The following USP42 variants were observed in gnomAD, a reference collection of about 807,000 sequenced individuals.
The protein encoded by USP42 is ubiquitin carboxyl-terminal hydrolase 42.
Under a neutral mutation model 113.0 loss-of-function variants are expected in USP42, and 23 were observed. That is an observed-to-expected ratio of 0.20 (90% confidence interval 0.15 to 0.29). USP42 has a LOEUF of 0.29. Ranked by LOEUF, USP42 falls within the 10% of genes least tolerant of loss-of-function variation. USP42 has a pLI of 1.00. For missense variants in USP42, 2,174 were observed against 1,779.8 expected (o/e 1.22, Z -3.99); for synonymous variants, 933 against 699.0 (o/e 1.33, Z -5.28).
chr7:6,104,509 C>T (rs1474953607), upstream of USP42, among the ~76,000 whole-genome samples: 1 of 152,254 alleles, frequency 6.6e-6, no homozygotes. Flanking sequence ...TTTCGGGGGA[C>T]GGGGATCCCA....
At chr7:6,109,753 A>G (rs1779494882) in intron 1 of USP42, among the ~76,000 whole-genome samples, 1 of 141,062 alleles carries the variant, frequency 7.1e-6, no homozygotes, top group Admixed American at 7.4e-5. Context: ...AAGGCTGGAT[A>G]TCAGTGGCAC....
intron 3 of USP42, chr7:6,116,526 C>G: frequency 3.3e-6 from 1 of 299,912 alleles, no homozygotes; most frequent in Non-Finnish European, 6.3e-6. Context: ...TGTGTATGTT[C>G]TGGGGCTATT....
At position 6,157,148 on chromosome 7, in the gene USP42, G is replaced by C; in HGVS notation, c.3943+93G>C. On this transcript the variant is annotated intron_variant, in intron 16 of 17. Coordinates refer to ENST00000306177, the MANE Select transcript of USP42 (RefSeq NM_032172.3). This position sits in a 1 kb window ranked among gnomAD's most constrained non-coding sequence, Gnocchi z 4.1. ...ATTAACATGTAGAAAGAAAACCTCA[G>C]GTGGCATCAAAGGGCACAGTTACTC... 8 of 1,446,776 alleles carry C rather than the reference G, an allele frequency of 5.5e-6. No individual in the cohort carries two copies. The highest frequency in any genetic ancestry group is 7.2e-6 in the Non-Finnish European group (8 of 1,106,034). 89.6% of individuals were successfully genotyped at this position (1,446,776 alleles called of 1,614,324 possible).
At chr7:6,103,948 G>C (rs1304312629), upstream of USP42, among the ~76,000 whole-genome samples, 1 of 151,128 alleles carries the variant, frequency 6.6e-6, no homozygotes, top group African/African-American at 2.5e-5. Flanking sequence ...AGTGGGCGTG[G>C]TAGCGCGCGT....
chr7:6,110,719 G>A lies in USP42; in HGVS notation c.-9-406G>A, dbSNP rs562546356. 3.3e-5 allele frequency among the ~76,000 whole-genome samples: 5 copies of A among 152,270 alleles called. No homozygotes were observed. The South Asian group carries it at 1.0e-3, about 32-fold the overall frequency. ...TCTGAGGAATTATACTCAAATTGAAGATGTAGTCAAATGTATTACTGTGTA... is the reference window on the plus strand; with the variant it reads ...TCTGAGGAATTATACTCAAATTGAAAATGTAGTCAAATGTATTACTGTGTA... On this transcript the variant is annotated intron_variant, in intron 1 of 17. Transcript: ENST00000306177.
intron 3 of USP42, among the ~76,000 whole-genome samples, chr7:6,118,059 C>T (rs1340210914): frequency 1.3e-5 from 2 of 151,930 alleles, no homozygotes; most frequent in Non-Finnish European, 2.9e-5. Context: ...TGGGAAATTT[C>T]ATTTCTTTTT....
Position 6,155,002 on chromosome 7 carries a change from C to G in USP42, c.3448C>G (p.Arg1150Gly), listed in dbSNP as rs1443201919. Residue 1150 changes from arginine to glycine, a missense_variant, in exon 15 of 18, where the codon CGG becomes GGG. Transcript: ENST00000306177. ...VAGDNCNLSD[R>G]FHEHENGKSR... ...CGGAGACAACTGTAACCTCTCTGAT[C>G]GGTTTCACGAACACGAAAATGGAAA... The G allele has an allele frequency of 3.4e-5, 53 of 1,564,616 alleles. No homozygotes were observed. The highest frequency in any genetic ancestry group is 4.3e-5 in the Non-Finnish European group (50 of 1,154,334).
At chr7:6,116,129 T>G (rs949992475) in intron 3 of USP42, among the ~76,000 whole-genome samples, 54 of 147,826 alleles carry the variant, frequency 3.7e-4, no homozygotes, top group African/African-American at 1.2e-3. Flanking sequence ...AAACGTCTGA[T>G]GCCAGCAACT....
At chr7:6,111,092 A>G (rs991710561) in intron 1 of USP42, 33 bp from the exon 2 acceptor site, 8 of 1,584,800 alleles carry the variant, frequency 5.0e-6, no homozygotes, top group Non-Finnish European at 5.2e-6. Flanking sequence ...TTCTCACCTG[A>G]TGAAACAAAT....
At chr7:6,147,617 TAA>T (rs1781788642) in intron 11 of USP42, 120 bp from the exon 12 acceptor site, 1 of 1,161,944 alleles carries the variant, frequency 8.6e-7, no homozygotes, top group African/African-American at 1.6e-5. Context: ...CTGTGTAGCA[TAA>T]ACATGCTATT....
the USP42 span, among the ~76,000 whole-genome samples, chr7:6,092,017 C>G: frequency 9.6e-6 from 1 of 104,636 alleles, no homozygotes; most frequent in Non-Finnish European, 2.0e-5. Flanking sequence ...TCTTCTTCTT[C>G]TTCTTCTTCT....
At chr7:6,085,601 CA>C in the USP42 span, among the ~76,000 whole-genome samples, 1 of 143,240 alleles carries the variant, frequency 7.0e-6, no homozygotes, top group Admixed American at 6.9e-5. Flanking sequence ...GTAATATATA[CA>C]AATATATATA....
chr7:6,159,389 C>T lies in USP42; in HGVS notation c.3944-61C>T, dbSNP rs1168173854. Reference sequence around the variant, plus strand: ...ATAGCCACTTAACGCACACACACAGCAGAGGCCCTGGCGATTTTGCAACCA... The same window carrying T: ...ATAGCCACTTAACGCACACACACAGTAGAGGCCCTGGCGATTTTGCAACCA... On this transcript the variant is annotated intron_variant, in intron 16 of 17. Coordinates refer to ENST00000306177, the MANE Select transcript of USP42 (RefSeq NM_032172.3). This position sits in a 1 kb window ranked among gnomAD's most constrained non-coding sequence, Gnocchi z 4.1. The T allele has an allele frequency of 1.2e-6, 2 of 1,611,408 alleles. No individual in the cohort carries two copies. Among genetic ancestry groups the T allele is most frequent in the Non-Finnish European group, 1.7e-6 (2 of 1,178,106 alleles).
In USP42 at chr7:6,114,634, G is replaced by A. The variant is rs565489027; in HGVS notation, c.242-689G>A. Among the ~76,000 whole-genome samples the A allele has an allele frequency of 7.2e-5, 9 of 125,388 alleles. 1 individual carries two copies. The highest frequency in any genetic ancestry group is 2.5e-4 in the African/African-American group (8 of 31,828). 82.3% of individuals were successfully genotyped at this position (125,388 alleles called of 152,430 possible). A position where few individuals can be genotyped will look rare whatever the true frequency, so the allele number is the denominator to read the frequency against. ...ATATATATACATAAAATACGTGTGT[G>A]TGTATATATGTATGTGTGTGTGTAT... is the stretch of plus-strand genomic sequence containing the variant. On this transcript the variant is annotated intron_variant, in intron 2 of 17. Transcript: ENST00000306177.
Position 6,158,630 on chromosome 7 carries a change from G to T in USP42, c.3944-820G>T, listed in dbSNP as rs143188144. 5.9e-5 allele frequency among the ~76,000 whole-genome samples: 9 copies of T among 152,380 alleles called. No homozygotes were observed. The East Asian group carries it at 1.7e-3, about 29-fold the overall frequency. On this transcript the variant is annotated intron_variant, in intron 16 of 17. Coordinates refer to ENST00000306177, the MANE Select transcript of USP42 (RefSeq NM_032172.3). This position sits in a 1 kb window ranked among gnomAD's most constrained non-coding sequence, Gnocchi z 4.2. ...GTGCTGGGGAAACAGCCGGAGATGA[G>T]GACAGGCACCAGCACTGCCGGTGAG...
chr7:6,148,851 G>C (rs909122259), intron 12 of USP42, among the ~76,000 whole-genome samples: 4 of 152,250 alleles, frequency 2.6e-5, no homozygotes, highest in African/African-American at 9.6e-5. Flanking sequence ...CTCTGCTCCA[G>C]AGTGACATCA....
chr7:6,160,366 G>A (rs376081299), intron 17 of USP42, among the ~76,000 whole-genome samples, 189 bp from the exon 18 acceptor site: 1 of 152,324 alleles, frequency 6.6e-6, no homozygotes, highest in South Asian at 2.1e-4. Flanking sequence ...AGCAGATGGC[G>A]CCTCCCTGGC....
intron 2 of USP42, among the ~76,000 whole-genome samples, chr7:6,113,761 A>G (rs1384152468): frequency 1.3e-5 from 2 of 152,006 alleles, no homozygotes; most frequent in Non-Finnish European, 2.9e-5. Context: ...AGCTGGGACT[A>G]CAGGTGCCTG....
chr7:6,105,790 A>G (rs1046305397), intron 1 of USP42, among the ~76,000 whole-genome samples: 1 of 152,178 alleles, frequency 6.6e-6, no homozygotes, highest in African/African-American at 2.4e-5. Context: ...GGAAATGAAA[A>G]TTGGACGGAA....
Sources: allele counts gnomAD v4.1 joint callset (sites outside exome capture counted in the v4.1 genomes callset), GRCh38; gene constraint gnomAD v4.1.1; non-coding constraint Gnocchi (gnomAD v3.1); transcripts MANE v1.5; gene names NCBI Gene and HGNC (gene_info 2026-07-23, HGNC 2026-07-21).